GRM7: variants seen among roughly 807,000 people sequenced by gnomAD.
The protein encoded by GRM7 is glutamate metabotropic receptor 7, also known as metabotropic glutamate receptor 7.
In GRM7, 35 loss-of-function variants were observed where a neutral mutation model predicts 84.5. The ratio of observed to expected loss-of-function variants is 0.41; its 90% confidence interval spans 0.32 to 0.55. GRM7 has a LOEUF of 0.55. Among genes scored for constraint, GRM7 ranks in the 20% least tolerant of loss-of-function variants. The probability of loss-of-function intolerance (pLI) is 0.19; values close to 1 mark genes in which losing one functional copy is unlikely to be tolerated. For missense variants in GRM7, 1,003 were observed against 1,194.6 expected (o/e 0.84, Z 2.36); for synonymous variants, 487 against 455.1 (o/e 1.07, Z -0.89).
chr3:7,598,053 G>A (rs1200643749), intron 8 of GRM7, among the ~76,000 whole-genome samples: 1 of 152,128 alleles, frequency 6.6e-6, no homozygotes, highest in Admixed American at 6.5e-5. Flanking sequence ...CTAGGATACA[G>A]GTATTTGTTT....
intron 1 of GRM7, among the ~76,000 whole-genome samples, chr3:7,136,171 ATTATT>A (rs2125058017): frequency 6.6e-6 from 1 of 151,446 alleles, no homozygotes; most frequent in Admixed American, 6.6e-5. Flanking sequence ...GATTTAATAT[ATTATT>A]TTTATTCATT....
chr3:7,606,018 T>C (rs1439617169), intron 8 of GRM7, among the ~76,000 whole-genome samples: 1 of 152,236 alleles, frequency 6.6e-6, no homozygotes, highest in Non-Finnish European at 1.5e-5. Flanking sequence ...TTGTTGCCTG[T>C]ATCATCAGAC....
intron 9 of GRM7, among the ~76,000 whole-genome samples, chr3:7,705,054 G>C (rs1450750308): frequency 6.6e-6 from 1 of 152,116 alleles, no homozygotes; most frequent in Non-Finnish European, 1.5e-5. Flanking sequence ...CCCAGGTCTT[G>C]ACTTGCTGTG....
At chr3:6,888,948 T>A (rs1206695761) in intron 1 of GRM7, among the ~76,000 whole-genome samples, 1 of 152,182 alleles carries the variant, frequency 6.6e-6, no homozygotes, top group Non-Finnish European at 1.5e-5. Context: ...GTCCTTCACA[T>A]CCCTTGTAAG....
intron 4 of GRM7, among the ~76,000 whole-genome samples, chr3:7,382,933 G>C (rs1694646707): frequency 6.6e-6 from 1 of 152,174 alleles, no homozygotes; most frequent in Non-Finnish European, 1.5e-5. Flanking sequence ...ACTGGAGGCT[G>C]TACCCTTGCT....
chr3:6,879,025 C>G (rs1275311481), intron 1 of GRM7, among the ~76,000 whole-genome samples: 1 of 152,156 alleles, frequency 6.6e-6, no homozygotes, highest in Non-Finnish European at 1.5e-5. Context: ...CATAGGAGTG[C>G]AAAGGGCCTC....
At chr3:7,287,856 GA>G (rs1699484707) in intron 2 of GRM7, among the ~76,000 whole-genome samples, 1 of 152,066 alleles carries the variant, frequency 6.6e-6, no homozygotes, top group Non-Finnish European at 1.5e-5. Context: ...AAGGTAAGAG[GA>G]AAAAGAGCTG....
chr3:7,318,515 C>T (rs536545721), intron 4 of GRM7, among the ~76,000 whole-genome samples: 32 of 151,896 alleles, frequency 2.1e-4, no homozygotes, highest in Non-Finnish European at 4.1e-4. Flanking sequence ...ATTAAGTTAG[C>T]CAAATGGATG....
At chr3:7,479,256 G>A (rs1007234198) in intron 7 of GRM7, among the ~76,000 whole-genome samples, 1 of 152,002 alleles carries the variant, frequency 6.6e-6, no homozygotes, top group African/African-American at 2.4e-5. Flanking sequence ...GTGACTCACA[G>A]GGAATGTCTA....
intron 1 of GRM7, among the ~76,000 whole-genome samples, chr3:6,966,865 C>A (rs1047240767): frequency 1.3e-5 from 2 of 152,156 alleles, no homozygotes; most frequent in African/African-American, 4.8e-5. Flanking sequence ...CTTGGTCCTA[C>A]CATTTATAAT....
At chr3:7,448,040 A>G (rs1697599261) in intron 5 of GRM7, among the ~76,000 whole-genome samples, 1 of 151,062 alleles carries the variant, frequency 6.6e-6, no homozygotes. Context: ...GAGAATGATG[A>G]TTTCCAGTTT....
chr3:7,219,116 G>GA (rs1358586260), intron 2 of GRM7, among the ~76,000 whole-genome samples: 1 of 152,126 alleles, frequency 6.6e-6, no homozygotes, highest in Non-Finnish European at 1.5e-5. Context: ...TAACTCCTCT[G>GA]AAGTTCATTG....
At chr3:7,171,983 T>C (rs1380856285) in intron 2 of GRM7, among the ~76,000 whole-genome samples, 1 of 152,156 alleles carries the variant, frequency 6.6e-6, no homozygotes, top group East Asian at 1.9e-4. Flanking sequence ...CAGAAGTAGG[T>C]TTAGAACATA....
At chr3:7,066,695 C>G (rs2124977907) in intron 1 of GRM7, among the ~76,000 whole-genome samples, 1 of 151,878 alleles carries the variant, frequency 6.6e-6, no homozygotes, top group Middle Eastern at 3.4e-3. Context: ...ATCCTAATAC[C>G]AAAAACCAGG....
intron 1 of GRM7, among the ~76,000 whole-genome samples, chr3:7,119,494 A>C (rs937455432): frequency 3.9e-5 from 6 of 152,160 alleles, no homozygotes; most frequent in African/African-American, 1.4e-4. Flanking sequence ...TTGTGATAAC[A>C]TCAGCAGAAC....
intron 1 of GRM7, among the ~76,000 whole-genome samples, chr3:6,903,426 C>T (rs1696464170): frequency 6.6e-6 from 1 of 152,078 alleles, no homozygotes; most frequent in Non-Finnish European, 1.5e-5. Flanking sequence ...CTTAATTTTT[C>T]ATGATATAAT....
chr3:7,069,279 C>T (rs752976163), intron 1 of GRM7, among the ~76,000 whole-genome samples: 1 of 151,924 alleles, frequency 6.6e-6, no homozygotes. Context: ...GTCACCAGAA[C>T]CAGTGAGTAG....
intron 4 of GRM7, among the ~76,000 whole-genome samples, chr3:7,328,251 C>T (rs1037661781): frequency 6.6e-6 from 1 of 152,096 alleles, no homozygotes; most frequent in East Asian, 1.9e-4. Context: ...GTGTCCTATA[C>T]CATTTGATTA....
chr3:7,035,933 C>T (rs758695986), intron 1 of GRM7, among the ~76,000 whole-genome samples: 60 of 152,166 alleles, frequency 3.9e-4, no homozygotes, highest in Non-Finnish European at 6.9e-4. Context: ...ATACTATGTG[C>T]CAGGCTCTGT....
Sources: allele counts gnomAD v4.1 joint callset (sites outside exome capture counted in the v4.1 genomes callset), GRCh38; gene constraint gnomAD v4.1.1; transcripts MANE v1.5; gene names NCBI Gene and HGNC (gene_info 2026-07-23, HGNC 2026-07-21).